SNED1: variants seen among roughly 807,000 people sequenced by gnomAD.
SNED1 encodes the protein sushi, nidogen and EGF-like domain-containing protein 1.
A neutral mutation model predicts 166.7 loss-of-function variants in SNED1; 81 were observed. The observed-to-expected ratio is 0.49, with a 90% CI of 0.41 to 0.58. SNED1 has a LOEUF of 0.58. Ranked by LOEUF, SNED1 falls within the 20% of genes least tolerant of loss-of-function variation. The pLI, the probability that SNED1 is intolerant of heterozygous loss-of-function variation, is 0.00. For missense variants in SNED1, 1,604 were observed against 2,000.2 expected, an observed-to-expected ratio of 0.80 and a Z score of 3.78; for synonymous variants, 762 against 822.0, an observed-to-expected ratio of 0.93 and a Z score of 1.25.
intron 1 of SNED1, among the ~76,000 whole-genome samples, chr2:241,023,267 T>C (rs1435077133): frequency 6.6e-6 from 1 of 152,226 alleles, no homozygotes; most frequent in Non-Finnish European, 1.5e-5. Flanking sequence ...TCACAAGTTT[T>C]TGCTAAATAG....
intron 1 of SNED1, among the ~76,000 whole-genome samples, chr2:241,021,316 C>G (rs969492725): frequency 6.6e-6 from 1 of 152,206 alleles, no homozygotes; most frequent in Non-Finnish European, 1.5e-5. Flanking sequence ...ATGCAGTTCA[C>G]TCTTTTAAAG....
At position 241,033,816 on chromosome 2, in the gene SNED1, A is replaced by G; in HGVS notation, c.583A>G (p.Thr195Ala). The G allele has an allele frequency of 6.2e-7, 1 of 1,610,696 alleles. No homozygotes were observed. Among genetic ancestry groups the G allele is most frequent in the Non-Finnish European group, 8.5e-7 (1 of 1,179,056 alleles). ...IFNYESIVWTTGTHASSGGNA... is the reference protein window; with the variant it reads ...IFNYESIVWTAGTHASSGGNA... ...CAACTATGAGTCCATCGTGTGGACC[A>G]CAGGCACACACGCCAGCAGCGGGGG... Residue 195 changes from threonine (T) to alanine (A), a missense_variant, in exon 3 of 32, where the codon ACA (threonine) becomes GCA (alanine). Transcript: ENST00000310397.
chr2:241,028,530 A>C (rs145363500), intron 1 of SNED1, among the ~76,000 whole-genome samples: 14 of 152,342 alleles, frequency 9.2e-5, no homozygotes, highest in African/African-American at 3.4e-4. Context: ...TGCTGGCACC[A>C]TTTGTTAAAA....
At chr2:241,025,751 G>A (rs2124945674) in intron 1 of SNED1, among the ~76,000 whole-genome samples, 1 of 152,130 alleles carries the variant, frequency 6.6e-6, no homozygotes, top group African/African-American at 2.4e-5. Context: ...AAGACTTTAT[G>A]TTGGCAGTTG....
chr2:241,085,640 G>A (rs1190387029), intron 29 of SNED1, among the ~76,000 whole-genome samples: 1 of 152,042 alleles, frequency 6.6e-6, no homozygotes, highest in African/African-American at 2.4e-5. Flanking sequence ...ATTCTTGAAT[G>A]TCTTATAGTT....
At chr2:241,006,656 G>A (rs1260894465) in intron 1 of SNED1, among the ~76,000 whole-genome samples, 1 of 152,210 alleles carries the variant, frequency 6.6e-6, no homozygotes, top group African/African-American at 2.4e-5. Flanking sequence ...TATGACAGAT[G>A]GGTGTAGACA....
intron 16 of SNED1, among the ~76,000 whole-genome samples, chr2:241,058,815 T>C (rs909022085): frequency 1.3e-5 from 2 of 151,970 alleles, no homozygotes; most frequent in African/African-American, 4.8e-5. Context: ...CTGGGCGAGG[T>C]GGCGGGCGCC....
intron 1 of SNED1, among the ~76,000 whole-genome samples, chr2:241,022,201 C>A (rs866802709): frequency 6.6e-6 from 1 of 152,146 alleles, no homozygotes; most frequent in African/African-American, 2.4e-5. Context: ...CTAAAGGTGT[C>A]CTTTGAAGCA....
intron 21 of SNED1, 103 bp downstream of exon 21, chr2:241,065,698 A>C: frequency 1.0e-6 from 1 of 981,438 alleles, no homozygotes; most frequent in African/African-American, 1.6e-5. Flanking sequence ...CCACCCTCCT[A>C]GTTCTTGCAG....
At chr2:241,066,420 G>A (rs1424659487) in intron 21 of SNED1, among the ~76,000 whole-genome samples, 1 of 152,336 alleles carries the variant, frequency 6.6e-6, no homozygotes, top group Non-Finnish European at 1.5e-5. Context: ...GGCCTTCCAC[G>A]GAGCCCGGCC....
chr2:241,030,160 A>T, intron 1 of SNED1, 124 bp from the exon 2 acceptor site: 2 of 915,832 alleles, frequency 2.2e-6, no homozygotes, highest in African/African-American at 1.7e-5. Flanking sequence ...CACCCTGGGG[A>T]TACCCTGCCC....
chr2:241,052,703 G>T (rs559214673), intron 15 of SNED1, among the ~76,000 whole-genome samples: 8 of 58,680 alleles, frequency 1.4e-4, no homozygotes, highest in Non-Finnish European at 2.7e-4. Context: ...GGGGGGGGGG[G>T]GTCAAGCAGG....
At chr2:241,050,060 G>T in intron 12 of SNED1, 127 bp downstream of exon 12, 1 of 748,104 alleles carries the variant, frequency 1.3e-6, no homozygotes. Context: ...AGCCTTGCCT[G>T]ATGTGCTGCT....
At position 241,069,739 on chromosome 2, in the gene SNED1, G is replaced by A. The variant is rs1004702469; in HGVS notation, c.3308-181G>A. Among the ~76,000 whole-genome samples, 7 of 152,198 alleles carry A rather than the reference G, an allele frequency of 4.6e-5. No individual in the cohort carries two copies. The highest frequency in any genetic ancestry group is 3.4e-3 in the Middle Eastern group (1 of 292). On this transcript the variant is annotated intron_variant, in intron 23 of 31. Transcript: ENST00000310397. This position sits in a 1 kb window ranked among gnomAD's most constrained non-coding sequence, Gnocchi z 4.9. ...GCAACCAGGGGCCTGCAGGTCTCTC[G>A]GTTGGAAGATTGTGCTGTACGTGCC...
intron 27 of SNED1, among the ~76,000 whole-genome samples, chr2:241,078,956 A>T (rs1299525329): frequency 6.6e-6 from 1 of 151,614 alleles, no homozygotes; most frequent in Admixed American, 6.6e-5. Flanking sequence ...TCTACTAAAA[A>T]TACAAAAATT....
chr2:241,036,773 C>A lies in SNED1; in HGVS notation c.806-17C>A, dbSNP rs1362082885. 3 of 1,605,560 alleles carry A rather than the reference C, an allele frequency of 1.9e-6. No homozygotes were observed. In the Admixed American group the frequency reaches 5.0e-5, roughly 27 times the overall value. Reference sequence around the variant, plus strand: ...GGAGGCAGCGGCTGAGGCTCCAGCCCCTCCCTATGTCTGCAGCGTCCGTGT... The same window carrying A: ...GGAGGCAGCGGCTGAGGCTCCAGCCACTCCCTATGTCTGCAGCGTCCGTGT... On this transcript the variant is annotated splice_polypyrimidine_tract_variant and intron_variant, in intron 4 of 31. Coordinates refer to ENST00000310397, the MANE Select transcript of SNED1 (RefSeq NM_001080437.3).
intron 1 of SNED1, among the ~76,000 whole-genome samples, chr2:241,022,778 T>C (rs1481350993): frequency 6.6e-6 from 1 of 152,226 alleles, no homozygotes; most frequent in Non-Finnish European, 1.5e-5. Flanking sequence ...TTGTTTCTTC[T>C]TAAGCCAGTT....
chr2:241,027,420 G>A (rs374108602), intron 1 of SNED1, among the ~76,000 whole-genome samples: 2 of 152,138 alleles, frequency 1.3e-5, no homozygotes, highest in Non-Finnish European at 2.9e-5. Context: ...ATATTCCATT[G>A]TATGGATGTG....
chr2:241,071,496 G>A, intron 24 of SNED1, 80 bp from the exon 25 acceptor site: 1 of 1,490,182 alleles, frequency 6.7e-7, no homozygotes, highest in East Asian at 2.4e-5. Flanking sequence ...GAGTGTGAGG[G>A]GCACCACCCA....
Sources: allele counts gnomAD v4.1 joint callset (sites outside exome capture counted in the v4.1 genomes callset), GRCh38; gene constraint gnomAD v4.1.1; non-coding constraint Gnocchi (gnomAD v3.1); transcripts MANE v1.5; gene names NCBI Gene and HGNC (gene_info 2026-07-23, HGNC 2026-07-21).